FAM120B: variants seen among roughly 807,000 people sequenced by gnomAD.
FAM120B encodes the protein family with sequence similarity 120 member B.
A neutral mutation model predicts 96.3 loss-of-function variants in FAM120B; 83 were observed. The ratio of observed to expected loss-of-function variants is 0.86; its 90% CI spans 0.72 to 1.03. The LOEUF (loss-of-function observed/expected upper bound fraction) is 1.03. FAM120B is among the 50% of genes least tolerant of loss of function. The pLI is 0.00. For missense variants in FAM120B, 1,027 were observed against 1,121.2 expected (o/e 0.92, Z 1.20); for synonymous variants, 407 against 402.7 (o/e 1.01, Z -0.13).
chr6:170,371,884 G>A (rs1413887868), intron 6 of FAM120B, among the ~76,000 whole-genome samples: 1 of 152,192 alleles, frequency 6.6e-6, no homozygotes, highest in African/African-American at 2.4e-5. Flanking sequence ...AGAAGAGATG[G>A]AAACCAAATA....
chr6:170,293,628 T>C (rs982564175), upstream of FAM120B, among the ~76,000 whole-genome samples: 2 of 152,092 alleles, frequency 1.3e-5, no homozygotes, highest in Non-Finnish European at 2.9e-5. Flanking sequence ...CAGAAAGCCC[T>C]TTTCTTCTTC....
At position 170,348,511 on chromosome 6, in the gene FAM120B, ACT is replaced by A. The variant is rs1310893427; in HGVS notation, c.2190+191_2190+192del. On this transcript the variant is annotated intron_variant, in intron 5 of 10. Transcript: ENST00000476287. ...TTGTATGGCAAAATACGTACAAGAA[ACT>A]CTGTCACTACCTCAGCTTTAGAGAT... 4.6e-5 allele frequency among the ~76,000 whole-genome samples: 7 copies of A among 152,274 alleles called. No homozygotes were observed. In the East Asian group the frequency reaches 1.2e-3, roughly 25 times the overall value.
At chr6:170,309,466 T>G (rs1784470688) in intron 1 of FAM120B, among the ~76,000 whole-genome samples, 2 of 152,246 alleles carry the variant, frequency 1.3e-5, no homozygotes, top group African/African-American at 4.8e-5. Context: ...ACTGTTTTGC[T>G]TATAAACAAA....
chr6:170,332,669 G>A (rs1379555005), intron 4 of FAM120B, among the ~76,000 whole-genome samples: 1 of 151,934 alleles, frequency 6.6e-6, no homozygotes, highest in Non-Finnish European at 1.5e-5. Flanking sequence ...TTGCACTCCA[G>A]CCTGGGCGAC....
At chr6:170,291,306 CCA>C (rs1783865225), upstream of FAM120B, among the ~76,000 whole-genome samples, 1 of 152,068 alleles carries the variant, frequency 6.6e-6, no homozygotes, top group Admixed American at 6.5e-5. Flanking sequence ...AGACCCTCGG[CCA>C]CACGCGGGGG....
chr6:170,328,271 T>C (rs1310820702), intron 3 of FAM120B, among the ~76,000 whole-genome samples: 1 of 152,208 alleles, frequency 6.6e-6, no homozygotes, highest in East Asian at 1.9e-4. Context: ...TTAATTTTTT[T>C]AAACTTCTTT....
intron 4 of FAM120B, among the ~76,000 whole-genome samples, chr6:170,347,318 A>T (rs191269499): frequency 6.6e-6 from 1 of 152,240 alleles, no homozygotes; most frequent in Admixed American, 6.5e-5. Flanking sequence ...AGGACATCTC[A>T]GCAGTCACAG....
chr6:170,338,694 C>A (rs1398397061), intron 4 of FAM120B, among the ~76,000 whole-genome samples: 1 of 152,134 alleles, frequency 6.6e-6, no homozygotes, highest in Non-Finnish European at 1.5e-5. Context: ...TTTTATGAAT[C>A]TGGGTGATCC....
rs181301111 is a variant in FAM120B, at chr6:170,320,231, C to T, written c.1734+1107C>T. 1.2e-3 allele frequency among the ~76,000 whole-genome samples: 180 copies of T among 152,314 alleles called. 1 individual carries two copies. Among genetic ancestry groups the T allele is most frequent in the African/African-American group, 4.1e-3 (169 of 41,574 alleles). The stretch of plus-strand genomic sequence containing the variant: ...ATAGATCTGTAAGGAAGCTCCTGCT[C>T]CTAGTCTGATGCAAAACTCAGGCCC... On this transcript the variant is annotated intron_variant, in intron 2 of 10. Coordinates refer to ENST00000476287, the MANE Select transcript of FAM120B (RefSeq NM_032448.3).
intron 3 of FAM120B, 56 bp downstream of exon 3, chr6:170,323,315 A>G: frequency 1.4e-6 from 2 of 1,454,738 alleles, no homozygotes; most frequent in African/African-American, 2.8e-5. Context: ...GAGTTCTGAG[A>G]AACTGGCCAG....
intron 6 of FAM120B, among the ~76,000 whole-genome samples, chr6:170,378,216 A>G (rs1387393830): frequency 6.6e-6 from 1 of 152,152 alleles, no homozygotes; most frequent in Non-Finnish European, 1.5e-5. Context: ...TTATTTATTT[A>G]TTTATTAATC....
chr6:170,395,636 T>C, intron 9 of FAM120B, 57 bp downstream of exon 9: 1 of 1,314,218 alleles, frequency 7.6e-7, no homozygotes, highest in Non-Finnish European at 1.1e-6. Context: ...CCTCTCACCT[T>C]GTGCTTTTGC....
At chr6:170,315,846 C>T (rs1784865652) in intron 1 of FAM120B, among the ~76,000 whole-genome samples, 1 of 151,532 alleles carries the variant, frequency 6.6e-6, no homozygotes, top group African/African-American at 2.4e-5. Flanking sequence ...CTTTGGGAGG[C>T]TGAGGCGAGA....
At chr6:170,398,368 C>G (rs1490288069) in intron 9 of FAM120B, among the ~76,000 whole-genome samples, 1 of 152,132 alleles carries the variant, frequency 6.6e-6, no homozygotes, top group African/African-American at 2.4e-5. Context: ...AAAGGTAGAA[C>G]TATGTCATAA....
chr6:170,391,066 C>A lies in FAM120B; in HGVS notation c.2544C>A (p.Cys848Ter). 6.2e-7 allele frequency: 1 copy of A among 1,614,146 alleles called. No individual in the cohort carries two copies. Among genetic ancestry groups the A allele is most frequent in the Non-Finnish European group, 8.5e-7 (1 of 1,180,030 alleles). The change falls in exon 8 of 11, where the codon TGC becomes TGA. Residue 848 changes from cysteine to a stop codon, truncating the protein, a stop_gained. Transcript: ENST00000476287. LOFTEE classifies it high-confidence loss of function. ...HNLKAVVCKA[C>*]MKENRRITGR... is the part of the protein sequence containing the mutation. ...TGAAGGCAGTCGTCTGCAAGGCCTG[C>A]ATGAAGGAGAACAGACGCATCACTG...
intron 6 of FAM120B, among the ~76,000 whole-genome samples, chr6:170,383,102 G>GAAAAAAAAAAAAA (rs140590111): frequency 1.8e-5 from 2 of 108,440 alleles, no homozygotes. Context: ...GCCAAAAAAA[G>GAAAAAAAAAAAAA]AAAAAAAAAA....
intron 2 of FAM120B, among the ~76,000 whole-genome samples, chr6:170,319,719 C>A (rs1432450545): frequency 6.6e-6 from 1 of 152,144 alleles, no homozygotes; most frequent in Non-Finnish European, 1.5e-5. Flanking sequence ...GGAGCCAGAC[C>A]TTAATGGGGC....
intron 6 of FAM120B, among the ~76,000 whole-genome samples, chr6:170,360,486 A>T (rs1211503289): frequency 1.3e-5 from 2 of 152,192 alleles, no homozygotes; most frequent in South Asian, 2.1e-4. Context: ...TGAGAAAGAC[A>T]TGATTAAATA....
intron 6 of FAM120B, among the ~76,000 whole-genome samples, chr6:170,364,520 A>G (rs192295460): frequency 2.8e-4 from 42 of 152,324 alleles, no homozygotes; most frequent in African/African-American, 9.9e-4. Flanking sequence ...GATTAACTTC[A>G]TTAAATGGAT....
Sources: gnomAD v4.1 joint callset for allele counts (sites outside exome capture counted in the v4.1 genomes callset) on GRCh38, gnomAD v4.1.1 for gene constraint, MANE v1.5 for transcripts, NCBI Gene and HGNC (gene_info 2026-07-23, HGNC 2026-07-21) for gene names.